Variants in MACF1 observed in about 807,000 individuals in gnomAD.
MACF1 encodes the protein microtubule actin crosslinking factor 1, also known as microtubule-actin cross-linking factor 1.
In MACF1, 193 loss-of-function variants were observed where a neutral mutation model predicts 854.8. The ratio of observed to expected loss-of-function variants is 0.23; its 90% CI spans 0.20 to 0.25. The LOEUF (loss-of-function observed/expected upper bound fraction) is 0.25, where lower values mean the gene tolerates loss of function less well. Among genes scored for constraint, MACF1 ranks in the 10% least tolerant of loss-of-function variants. MACF1 has a pLI of 1.00. For missense variants in MACF1, 7,722 were observed against 8,929.1 expected (o/e 0.86, Z 5.45); for synonymous variants, 3,185 against 3,226.7 (o/e 0.99, Z 0.44).
At chr1:39,092,554 A>G (rs766364998) in intron 2 of MACF1, among the ~76,000 whole-genome samples, 24 of 152,226 alleles carry the variant, frequency 1.6e-4, no homozygotes, top group Non-Finnish European at 3.2e-4. Flanking sequence ...CTGGCCCTCA[A>G]CATGTACAAT....
chr1:39,254,422 T>C (rs1293698356), intron 5 of MACF1, 47 bp downstream of exon 5: 6 of 1,551,818 alleles, frequency 3.9e-6, no homozygotes, highest in Non-Finnish European at 3.6e-6. Flanking sequence ...TGTGTTGGCA[T>C]TGGGGCCCTA....
rs1426270511 is a variant in MACF1 at position 39,444,839 on chromosome 1, C to T, written c.19605+4C>T. ...CAGTAAGATGGAAGAAAGAAAGGTA[C>T]AGTGTATGATCCCCATGTTTGAGTA... On this transcript the variant is annotated splice_donor_region_variant and intron_variant, in intron 80 of 100. Transcript: ENST00000564288. 6.3e-7 allele frequency: 1 copy of T among 1,598,614 alleles called. No homozygotes were observed.
At position 39,437,963 on chromosome 1, in the gene MACF1, C is replaced by G; in HGVS notation, c.18175C>G (p.Leu6059Val). The G allele has an allele frequency of 6.2e-7, 1 of 1,614,064 alleles. No individual in the cohort carries two copies. The highest frequency in any genetic ancestry group is 8.5e-7 in the Non-Finnish European group (1 of 1,180,004). Residue 6059 changes from leucine to valine, a missense_variant, in exon 71 of 101, where the codon CTT (leucine) becomes GTT (valine). Physicochemically the swap from Leu to Val is conservative, Grantham distance 32 (BLOSUM62 1). Around this residue, in one of 15 missense-constraint regions of MACF1, gnomAD observed 2,807 missense variants for 3,235.8 expected, o/e 0.87. Coordinates refer to ENST00000564288, the MANE Select transcript of MACF1 (RefSeq NM_001394062.1). Reference sequence around the variant, plus strand: ...GGCCTTGAAGCGCCGTGGAGAGGAGCTTATTGGACGATCTCAGGGAGCAGA... The same window carrying G: ...GGCCTTGAAGCGCCGTGGAGAGGAGGTTATTGGACGATCTCAGGGAGCAGA... ...FEALKRRGEE[L>V]IGRSQGADKD...
chr1:39,199,711 G>A (rs1455270185), upstream of MACF1, among the ~76,000 whole-genome samples: 2 of 152,094 alleles, frequency 1.3e-5, no homozygotes, highest in Admixed American at 1.3e-4. Flanking sequence ...CATCTTCTTC[G>A]ACCATCACAG....
chr1:39,408,035 G>A (rs763375565), intron 58 of MACF1, among the ~76,000 whole-genome samples: 4 of 152,138 alleles, frequency 2.6e-5, no homozygotes, highest in Non-Finnish European at 5.9e-5. Context: ...CGTGGACGAC[G>A]GGATTGTGAG....
intron 2 of MACF1, among the ~76,000 whole-genome samples, chr1:39,240,354 T>C (rs1644907882): frequency 6.6e-6 from 1 of 152,194 alleles, no homozygotes; most frequent in Non-Finnish European, 1.5e-5. Context: ...TGGCTGTCTT[T>C]GCCTGGACCT....
chr1:39,311,124 C>T, intron 26 of MACF1, 124 bp downstream of exon 26: 5 of 1,025,912 alleles, frequency 4.9e-6, no homozygotes, highest in Non-Finnish European at 7.0e-6. Flanking sequence ...CTCAGGAGTT[C>T]TTCTTGCAGT....
chr1:39,484,370 A>C (rs1038751019), intron 99 of MACF1, among the ~76,000 whole-genome samples: 1 of 152,180 alleles, frequency 6.6e-6, no homozygotes, highest in African/African-American at 2.4e-5. Context: ...TAGTAAAACA[A>C]AAGGTATTTG....
chr1:39,387,538 A>G lies in MACF1; in HGVS notation c.14696A>G (p.Lys4899Arg), dbSNP rs201524349. The G allele has an allele frequency of 1.8e-5, 29 of 1,614,168 alleles. No individual in the cohort carries two copies. The African/African-American group carries it at 3.9e-4, about 22-fold the overall frequency. The change falls in exon 58 of 101, where the codon AAG becomes AGG. Residue 4899 changes from lysine (K) to arginine (R), a missense_variant. By Grantham distance (26) the Lys-to-Arg change is conservative (BLOSUM62 2). This residue lies in a region of MACF1 where 2,807 missense variants were observed against 3,235.8 expected (regional missense o/e 0.87). Transcript: ENST00000564288. The stretch of plus-strand genomic sequence containing the variant: ...ACTGCAGACAGACAATCCAGGCTCA[A>G]GGATTGTATGCAGAAAGCTCAGAAA... ...KKTADRQSRL[K>R]DCMQKAQKYQ...
At chr1:39,470,787 A>G (rs1285127521) in intron 97 of MACF1, among the ~76,000 whole-genome samples, 2 of 152,342 alleles carry the variant, frequency 1.3e-5, no homozygotes, top group East Asian at 3.9e-4. Flanking sequence ...TCCTTTCCAA[A>G]TCTATGAATA....
At chr1:39,185,285 C>T (rs1166134644) in intron 2 of MACF1, among the ~76,000 whole-genome samples, 3 of 116,454 alleles carry the variant, frequency 2.6e-5, no homozygotes, top group Admixed American at 1.8e-4. Context: ...GAGCGAGACT[C>T]CGTCTCAAAA....
intron 49 of MACF1, among the ~76,000 whole-genome samples, chr1:39,367,135 C>T (rs894372339): frequency 9.2e-5 from 14 of 151,644 alleles, no homozygotes; most frequent in African/African-American, 3.2e-4. Context: ...TTAGTAGAGA[C>T]GGAGTTTCAC....
At chr1:39,458,689 T>C in intron 90 of MACF1, 199 bp downstream of exon 90, 1 of 656,210 alleles carries the variant, frequency 1.5e-6, no homozygotes, top group Non-Finnish European at 2.4e-6. Context: ...GTATGATTGG[T>C]ATGAAATTAC....
At chr1:39,180,807 G>A (rs990401888) in intron 2 of MACF1, among the ~76,000 whole-genome samples, 1 of 152,156 alleles carries the variant, frequency 6.6e-6, no homozygotes, top group Non-Finnish European at 1.5e-5. Flanking sequence ...GGCTATGGTT[G>A]GCTAAGTCTC....
At chr1:39,285,562 C>T (rs1351235828) in intron 13 of MACF1, 42 bp from the exon 14 acceptor site, 9 of 1,594,636 alleles carry the variant, frequency 5.6e-6, no homozygotes, top group Non-Finnish European at 7.7e-6. Context: ...GTGAGTGGGG[C>T]AATGGAAGTT....
At position 39,387,776 on chromosome 1, in the gene MACF1, T is replaced by C. The variant is rs369582426; in HGVS notation, c.14934T>C (p.Asp4978=). 2 of 1,614,032 alleles carry C rather than the reference T, an allele frequency of 1.2e-6. No individual in the cohort carries two copies. Among genetic ancestry groups the C allele is most frequent in the African/African-American group, 2.7e-5 (2 of 74,916 alleles). Residue 4978 remains aspartate (D), a synonymous_variant, in exon 58 of 101, where the codon GAT becomes GAC. Coordinates refer to ENST00000564288, the MANE Select transcript of MACF1 (RefSeq NM_001394062.1). ...TCAATTCTTCAGAAGCAGATGAGGATGGAATCCGGGATGAGAAGGCTGGGA... is the reference window on the plus strand; with the variant it reads ...TCAATTCTTCAGAAGCAGATGAGGACGGAATCCGGGATGAGAAGGCTGGGA... The part of the protein sequence containing the change: ...ILINSSEADE[D]GIRDEKAGIN...
At position 39,370,190 on chromosome 1, in the gene MACF1, G is replaced by A. The variant is rs2148535685; in HGVS notation, c.13095+4G>A. 1 of 1,604,820 alleles carries A rather than the reference G, an allele frequency of 6.2e-7. No homozygotes were observed. On this transcript the variant is annotated splice_donor_region_variant and intron_variant, in intron 51 of 100. Coordinates refer to ENST00000564288, the MANE Select transcript of MACF1 (RefSeq NM_001394062.1). ...AAAGCAGATTGAACACCTGAAGGTA[G>A]GTGAACAAAGGGACTCCAAGAATTG... is the stretch of plus-strand genomic sequence containing the variant.
At chr1:39,400,369 G>A (rs1642429171) in intron 58 of MACF1, among the ~76,000 whole-genome samples, 1 of 151,940 alleles carries the variant, frequency 6.6e-6, no homozygotes, top group Admixed American at 6.6e-5. Context: ...ATTAAATGAA[G>A]TGATATATCT....
At chr1:39,261,590 T>C (rs1645164231) in intron 6 of MACF1, among the ~76,000 whole-genome samples, 1 of 152,210 alleles carries the variant, frequency 6.6e-6, no homozygotes, top group Non-Finnish European at 1.5e-5. Flanking sequence ...TTTTTTCACT[T>C]AACATAATAT....
Sources: allele counts gnomAD v4.1 joint callset (sites outside exome capture counted in the v4.1 genomes callset), GRCh38; gene constraint gnomAD v4.1.1; regional missense constraint gnomAD v4.1.1; transcripts MANE v1.5; gene names NCBI Gene and HGNC (gene_info 2026-07-23, HGNC 2026-07-21).